Variants in PTX3 observed in about 807,000 individuals in gnomAD.
The protein encoded by PTX3 is pentraxin 3, also known as pentraxin-related protein PTX3.
Under a neutral mutation model 23.5 loss-of-function variants are expected in PTX3, and 24 were observed. That is an observed-to-expected ratio of 1.02 (90% CI 0.74 to 1.43). The LOEUF is 1.43. Ranked by LOEUF, PTX3 falls within the 40% of genes most tolerant of loss-of-function variation. PTX3 has a pLI of 0.00. For synonymous variants in PTX3, 218 were observed against 205.4 expected, an observed-to-expected ratio of 1.06 and a Z score of -0.53; for missense variants, 510 against 497.5, an observed-to-expected ratio of 1.02 and a Z score of -0.24.
Position 157,437,838 on chromosome 3 carries a change from G to A in PTX3, c.456G>A (p.Val152=), listed in dbSNP as rs756046694. The change falls in exon 2 of 3, where the codon GTG becomes GTA. Residue 152 remains valine (V), a synonymous_variant. Transcript: ENST00000295927. ...PEEAGRALAA[V]LEELRQTRAD... The stretch of plus-strand genomic sequence containing the variant: ...AGGCGGGGCGCGCCCTGGCCGCGGT[G>A]CTAGAGGAGCTGCGGCAGACGCGAG... The A allele has an allele frequency of 7.4e-6, 11 of 1,495,882 alleles. No homozygotes were observed. In the South Asian group the frequency reaches 1.1e-4, roughly 15 times the overall value. 92.7% of individuals were successfully genotyped at this position (1,495,882 alleles called of 1,614,324 possible).
chr3:157,439,940 CG>C (rs1332098760), intron 2 of PTX3, among the ~76,000 whole-genome samples: 1 of 152,024 alleles, frequency 6.6e-6, no homozygotes, highest in Non-Finnish European at 1.5e-5. Flanking sequence ...TTAGTAGAGA[CG>C]GGGTTTCACC....
In PTX3 at chr3:157,442,424, T is replaced by A; in HGVS notation, c.591T>A (p.His197Gln). ...MRSKKIFGSV[H>Q]PVRPMRLESF... is the part of the protein sequence containing the mutation. ...CCAAGAAGATTTTTGGAAGCGTGCA[T>A]CCAGTGAGACCAATGAGGCTTGAGT... The change falls in exon 3 of 3, where the codon CAT (histidine) becomes CAA (glutamine). Residue 197 changes from histidine (H) to glutamine (Q), a missense_variant. Transcript: ENST00000295927. The A allele has an allele frequency of 6.2e-7, 1 of 1,614,180 alleles. No homozygotes were observed. The highest frequency in any genetic ancestry group is 8.5e-7 in the Non-Finnish European group (1 of 1,180,006).
chr3:157,442,214 T>C (rs768508229), intron 2 of PTX3, 152 bp from the exon 3 acceptor site: 23 of 700,736 alleles, frequency 3.3e-5, no homozygotes, highest in Middle Eastern at 4.1e-4. Context: ...TCTGCAGAGA[T>C]TACAGTGGAA....
At chr3:157,438,177 T>C (rs1251783189) in intron 2 of PTX3, among the ~76,000 whole-genome samples, 1 of 151,952 alleles carries the variant, frequency 6.6e-6, no homozygotes, top group Non-Finnish European at 1.5e-5. Flanking sequence ...TAAAGAGAGT[T>C]GTGGAGGTAA....
At chr3:157,441,291 A>T (rs1577667046) in intron 2 of PTX3, among the ~76,000 whole-genome samples, 1 of 152,364 alleles carries the variant, frequency 6.6e-6, no homozygotes, top group African/African-American at 2.4e-5. Context: ...TAGATAAGTT[A>T]CTTTTACCTA....
intron 1 of PTX3, 113 bp downstream of exon 1, chr3:157,437,176 G>A (rs1296721328): frequency 1.2e-5 from 17 of 1,400,072 alleles, no homozygotes; most frequent in African/African-American, 2.9e-5. Flanking sequence ...TTTATAGCTT[G>A]TTATGCAAAA....
intron 2 of PTX3, 76 bp from the exon 3 acceptor site, chr3:157,442,290 A>G (rs1734184714): frequency 4.6e-6 from 6 of 1,292,786 alleles, no homozygotes; most frequent in Non-Finnish European, 6.3e-6. Context: ...TTCTTATGTT[A>G]AATAACTAAT....
chr3:157,439,726 C>T (rs1577662848), intron 2 of PTX3, among the ~76,000 whole-genome samples: 1 of 152,136 alleles, frequency 6.6e-6, no homozygotes, highest in African/African-American at 2.4e-5. Context: ...AATTCGATTG[C>T]AGTAGGCACC....
rs904840316 is a variant in PTX3, at chr3:157,443,546, T to C, written c.*567T>C. 6.6e-6 allele frequency: 1 copy of C among 152,572 alleles called. No homozygotes were observed. The allele number at this position is 152,572 out of a possible 1,614,324, so 9.5% of individuals were successfully genotyped here. A position where few individuals can be genotyped will look rare whatever the true frequency, so the allele number is the denominator to read the frequency against. ...AGGGATTTGTATTAATTTAAGACTA[T>C]TTTTGTAAAGCTCTACTGTAAATAA... On this transcript the variant is annotated 3_prime_UTR_variant, in exon 3 of 3. Coordinates refer to ENST00000295927, the MANE Select transcript of PTX3 (RefSeq NM_002852.4).
Position 157,437,010 on chromosome 3 carries a change from T to G in PTX3, c.77T>G (p.Met26Arg), listed in dbSNP as rs781480848. Residue 26 changes from methionine to arginine, a missense_variant, in exon 1 of 3, where the codon ATG becomes AGG. Coordinates refer to ENST00000295927, the MANE Select transcript of PTX3 (RefSeq NM_002852.4). ...GAGAACTCGGATGATTATGATCTCA[T>G]GTATGTGAATTTGGACAACGAAATA... The part of the protein sequence containing the change: ...LAENSDDYDL[M>R]YVNLDNEIDN... 3 of 1,614,084 alleles carry G rather than the reference T, an allele frequency of 1.9e-6. No individual in the cohort carries two copies. Among genetic ancestry groups the G allele is most frequent in the Non-Finnish European group, 2.5e-6 (3 of 1,179,930 alleles).
At chr3:157,439,876 G>C (rs951085833) in intron 2 of PTX3, among the ~76,000 whole-genome samples, 3 of 152,130 alleles carry the variant, frequency 2.0e-5, no homozygotes, top group African/African-American at 7.2e-5. Flanking sequence ...TCAGCCTCCT[G>C]AGTAGCTGGG....
At position 157,442,643 on chromosome 3, in the gene PTX3, G is replaced by T. The variant is rs765126886; in HGVS notation, c.810G>T (p.Leu270=). The T allele has an allele frequency of 7.4e-6, 12 of 1,614,230 alleles. No homozygotes were observed. Among genetic ancestry groups the T allele is most frequent in the Non-Finnish European group, 1.0e-5 (12 of 1,180,038 alleles). ...TTTCCCTGGGAAGGTGGACCCACCTGTGCGGCACCTGGAATTCAGAGGAAG... is the reference window on the plus strand; with the variant it reads ...TTTCCCTGGGAAGGTGGACCCACCTTTGCGGCACCTGGAATTCAGAGGAAG... ...AMVSLGRWTH[L]CGTWNSEEGL... Residue 270 remains leucine, a synonymous_variant, in exon 3 of 3, where the codon CTG becomes CTT. Transcript: ENST00000295927.
In PTX3 at chr3:157,437,772, G is replaced by A; in HGVS notation, c.390G>A (p.Arg130=). 2.0e-6 allele frequency: 3 copies of A among 1,484,236 alleles called. No homozygotes were observed. Among genetic ancestry groups the A allele is most frequent in the Non-Finnish European group, 8.9e-7 (1 of 1,127,814 alleles). 91.9% of individuals were successfully genotyped at this position (1,484,236 alleles called of 1,614,324 possible). A position where few individuals can be genotyped will look rare whatever the true frequency, so the allele number is the denominator to read the frequency against. The change falls in exon 2 of 3, where the codon AGG becomes AGA. Residue 130 remains arginine (R), a synonymous_variant. Transcript: ENST00000295927. ...AGGCGACCCGCGACGCGGGCCGCAG[G>A]CTGGCGCGTATGGAGGGCGCGGAGG... ...LLQATRDAGR[R]LARMEGAEAQ...
chr3:157,443,154 G>A lies in PTX3; in HGVS notation c.*175G>A. The A allele has an allele frequency of 4.1e-6, 3 of 739,404 alleles. No homozygotes were observed. The highest frequency in any genetic ancestry group is 6.2e-6 in the Non-Finnish European group (3 of 484,796). 45.8% of individuals were successfully genotyped at this position (739,404 alleles called of 1,614,324 possible). On this transcript the variant is annotated 3_prime_UTR_variant, in exon 3 of 3. Coordinates refer to ENST00000295927, the MANE Select transcript of PTX3 (RefSeq NM_002852.4). ...ATACTGAATAAACAGTTGAAGGAAA[G>A]ACATTGGAAAAAGCTTTTGAGGATA... is the stretch of plus-strand genomic sequence containing the variant.
At chr3:157,440,914 T>G (rs1734068728) in intron 2 of PTX3, among the ~76,000 whole-genome samples, 1 of 152,204 alleles carries the variant, frequency 6.6e-6, no homozygotes, top group Non-Finnish European at 1.5e-5. Context: ...TGTACTTCTC[T>G]TAAAGATTTT....
chr3:157,437,461 A>T (rs1733692742), intron 1 of PTX3, 52 bp from the exon 2 acceptor site: 2 of 1,562,976 alleles, frequency 1.3e-6, no homozygotes, highest in Non-Finnish European at 1.7e-6. Flanking sequence ...TACAAAGCAC[A>T]TCCAAGGCAG....
In PTX3 at chr3:157,437,530, G is replaced by A. The variant is rs776574922; in HGVS notation, c.148G>A (p.Gly50Ser). 1 of 1,605,950 alleles carries A rather than the reference G, an allele frequency of 6.2e-7. No homozygotes were observed. The highest frequency in any genetic ancestry group is 8.5e-7 in the Non-Finnish European group (1 of 1,177,582). ...PTEDPTPCAC[G>S]QEHSEWDKLF... Reference sequence around the variant, plus strand: ...TACTCTAGCCACGCCGTGCGCCTGCGGTCAGGAGCACTCGGAATGGGACAA... The same window carrying A: ...TACTCTAGCCACGCCGTGCGCCTGCAGTCAGGAGCACTCGGAATGGGACAA... Residue 50 changes from glycine to serine, a missense_variant, in exon 2 of 3, where the codon GGT becomes AGT. Coordinates refer to ENST00000295927, the MANE Select transcript of PTX3 (RefSeq NM_002852.4).
Position 157,442,513 on chromosome 3 carries a change from A to G in PTX3, c.680A>G (p.Tyr227Cys). The G allele has an allele frequency of 2.5e-6, 4 of 1,614,170 alleles. No individual in the cohort carries two copies. The highest frequency in any genetic ancestry group is 1.1e-5 in the South Asian group (1 of 91,082). The change falls in exon 3 of 3, where the codon TAT (tyrosine) becomes TGT (cysteine). Residue 227 changes from tyrosine (Y) to cysteine (C), a missense_variant. Coordinates refer to ENST00000295927, the MANE Select transcript of PTX3 (RefSeq NM_002852.4). The part of the protein sequence containing the change: ...DVLNKTILFS[Y>C]GTKRNPYEIQ... ...TTAAACAAAACCATCCTGTTTTCCT[A>G]TGGCACAAAGAGGAATCCATATGAA...
chr3:157,443,038 G>C lies in PTX3; in HGVS notation c.*59G>C. ...AAACTCACACTTAAAACACATGCCA[G>C]TTGGGAAGGTCTGAAAACTCAGTGC... is the stretch of plus-strand genomic sequence containing the variant. On this transcript the variant is annotated 3_prime_UTR_variant, in exon 3 of 3. Transcript: ENST00000295927. 6.5e-7 allele frequency: 1 copy of C among 1,532,490 alleles called. No homozygotes were observed. The highest frequency in any genetic ancestry group is 8.7e-7 in the Non-Finnish European group (1 of 1,143,478). The allele number at this position is 1,532,490 out of a possible 1,614,324, so 94.9% of individuals were successfully genotyped here. A position where few individuals can be genotyped will look rare whatever the true frequency, so the allele number is the denominator to read the frequency against.
Sources: allele counts gnomAD v4.1 joint callset (sites outside exome capture counted in the v4.1 genomes callset), GRCh38; gene constraint gnomAD v4.1.1; transcripts MANE v1.5; gene names NCBI Gene and HGNC (gene_info 2026-07-23, HGNC 2026-07-21).